PCDH11X: variants seen among roughly 807,000 people sequenced by gnomAD.
The protein encoded by PCDH11X is protocadherin-11 X-linked.
Under a neutral mutation model 53.3 loss-of-function variants are expected in PCDH11X, and 18 were observed. The observed-to-expected ratio is 0.34, with a 90% CI of 0.23 to 0.50. PCDH11X has a LOEUF of 0.50. Among genes scored for constraint, PCDH11X ranks in the 20% least tolerant of loss-of-function variants. PCDH11X has a pLI of 0.98. For missense variants in PCDH11X, 570 were observed against 1,032.4 expected, an observed-to-expected ratio of 0.55 and a Z score of 6.14; for synonymous variants, 279 against 393.3, an observed-to-expected ratio of 0.71 and a Z score of 3.44.
intron 9 of PCDH11X, among the ~76,000 whole-genome samples, chrX:92,402,894 T>A (rs6522530): frequency 0.17 from 18,726 of 111,410 alleles, 2,127 homozygotes; most frequent in East Asian, 0.75. Flanking sequence ...CTTAGGCAAA[T>A]ACAAGACAAG....
At chrX:92,192,005 A>G (rs1029127646) in intron 6 of PCDH11X, among the ~76,000 whole-genome samples, 1 of 111,767 alleles carries the variant, frequency 8.9e-6, no homozygotes, top group African/African-American at 3.2e-5. Flanking sequence ...CTAAAATGTT[A>G]ACATTTCTTC....
chrX:92,574,806 TAG>T (rs1225413703), intron 10 of PCDH11X, among the ~76,000 whole-genome samples: 78 of 111,136 alleles, frequency 7.0e-4, no homozygotes, highest in African/African-American at 2.4e-3. Flanking sequence ...TCAACTATAT[TAG>T]ATGTTTTGAG....
intron 7 of PCDH11X, among the ~76,000 whole-genome samples, chrX:92,222,749 T>C (rs1425073581): frequency 2.7e-5 from 3 of 111,553 alleles, no homozygotes; most frequent in Non-Finnish European, 3.8e-5. Flanking sequence ...ACACATCACA[T>C]GGACTATTGC....
At chrX:92,614,509 T>G (rs1244016216) in intron 10 of PCDH11X, among the ~76,000 whole-genome samples, 1 of 109,822 alleles carries the variant, frequency 9.1e-6, no homozygotes, top group Non-Finnish European at 1.9e-5. Context: ...GGGTGAGAGC[T>G]GGCTGTACCT....
intron 6 of PCDH11X, among the ~76,000 whole-genome samples, chrX:91,985,901 C>CT (rs1456113941): frequency 9.8e-6 from 1 of 101,767 alleles, no homozygotes; most frequent in Admixed American, 1.1e-4. Flanking sequence ...TAAAATGCAT[C>CT]TTTTTTTAAA....
intron 6 of PCDH11X, among the ~76,000 whole-genome samples, chrX:92,050,116 T>C (rs1040010513): frequency 1.8e-5 from 2 of 111,260 alleles, no homozygotes; most frequent in African/African-American, 6.5e-5. Flanking sequence ...AATATTTGGC[T>C]TAAAAATAGA....
At chrX:92,552,860 C>T (rs180767516) in intron 10 of PCDH11X, among the ~76,000 whole-genome samples, 31 of 110,480 alleles carry the variant, frequency 2.8e-4, no homozygotes, top group African/African-American at 9.8e-4. Flanking sequence ...TGTTGAACCA[C>T]TCTTGCATCC....
rs775838514 is a variant in PCDH11X, at chrX:92,108,182, G to A, written c.3034-93193G>A. Among the ~76,000 whole-genome samples, 50 of 111,877 alleles carry A rather than the reference G, an allele frequency of 4.5e-4. 1 individual carries two copies. The South Asian group carries it at 7.9e-3, about 18-fold the overall frequency. On this transcript the variant is annotated intron_variant, in intron 6 of 10. Transcript: ENST00000682573. The stretch of plus-strand genomic sequence containing the variant: ...CAAAATGTCTACATCAGTTTAAAAT[G>A]AAATATATAACAATGTTCATTGGTT...
intron 6 of PCDH11X, among the ~76,000 whole-genome samples, chrX:91,961,823 A>C (rs112051407): frequency 0.012 from 1,263 of 108,654 alleles, 16 homozygotes; most frequent in African/African-American, 0.039. Flanking sequence ...GGAAACTTAC[A>C]ATCATGGCAG....
intron 6 of PCDH11X, among the ~76,000 whole-genome samples, chrX:91,900,730 G>A (rs980738317): frequency 6.4e-5 from 7 of 108,687 alleles, no homozygotes; most frequent in African/African-American, 2.0e-4. Flanking sequence ...GATTATATGG[G>A]GGTGACTGTA....
chrX:91,888,357 A>G (rs1489063197), intron 6 of PCDH11X, among the ~76,000 whole-genome samples: 1 of 112,144 alleles, frequency 8.9e-6, no homozygotes. Flanking sequence ...GACTTTTAAA[A>G]AAATTTTCAG....
intron 9 of PCDH11X, among the ~76,000 whole-genome samples, chrX:92,439,331 G>A (rs1264428436): frequency 9.1e-6 from 1 of 109,548 alleles, no homozygotes; most frequent in Non-Finnish European, 1.9e-5. Context: ...CTGTTATACT[G>A]AAATGGAAGC....
chrX:91,987,346 T>A (rs2062242986), intron 6 of PCDH11X, among the ~76,000 whole-genome samples: 1 of 111,534 alleles, frequency 9.0e-6, no homozygotes, highest in South Asian at 3.8e-4. Context: ...TCTCCCAGAG[T>A]GCTGGGATTA....
intron 5 of PCDH11X, among the ~76,000 whole-genome samples, chrX:91,851,725 T>C (rs915998794): frequency 8.9e-6 from 1 of 111,964 alleles, no homozygotes; most frequent in African/African-American, 3.2e-5. Flanking sequence ...GGTGGTCTGA[T>C]CGTTAGACTA....
At chrX:91,876,670 T>C (rs1939630620) in intron 5 of PCDH11X, 111 bp from the exon 6 acceptor site, 5 of 832,585 alleles carry the variant, frequency 6.0e-6, no homozygotes, top group Non-Finnish European at 7.5e-6. Context: ...TGAAAATTGT[T>C]CTCATTAGAT....
intron 6 of PCDH11X, among the ~76,000 whole-genome samples, chrX:92,101,203 T>C (rs182405905): frequency 0.029 from 3,262 of 111,353 alleles, 86 homozygotes; most frequent in African/African-American, 0.081. Context: ...GTATGAGTAG[T>C]TGAGAACGGA....
At chrX:92,503,776 T>A (rs34547858) in intron 10 of PCDH11X, among the ~76,000 whole-genome samples, 1 of 111,124 alleles carries the variant, frequency 9.0e-6, no homozygotes, top group African/African-American at 3.3e-5. Flanking sequence ...GGGCTTAATA[T>A]CTGGGTGATG....
At chrX:91,795,151 TA>T (rs1172688632) in intron 1 of PCDH11X, among the ~76,000 whole-genome samples, 1 of 112,205 alleles carries the variant, frequency 8.9e-6, no homozygotes, top group African/African-American at 3.2e-5. Context: ...TCATTTCTGA[TA>T]TTTTTTTGTC....
intron 10 of PCDH11X, among the ~76,000 whole-genome samples, chrX:92,579,245 G>A (rs1923355686): frequency 9.2e-6 from 1 of 108,875 alleles, no homozygotes; most frequent in Non-Finnish European, 1.9e-5. Context: ...TTCTCATGGA[G>A]TATCTTACTG....
Sources: gnomAD v4.1 joint callset for allele counts (sites outside exome capture counted in the v4.1 genomes callset) on GRCh38, gnomAD v4.1.1 for gene constraint, MANE v1.5 for transcripts, NCBI Gene and HGNC (gene_info 2026-07-23, HGNC 2026-07-21) for gene names.